Variants in SEMA6D observed in about 807,000 individuals in gnomAD.
SEMA6D encodes semaphorin 6D.
SEMA6D carries 35 observed loss-of-function variants against 106.6 expected under a neutral mutation model. The observed-to-expected ratio is 0.33, with a 90% confidence interval of 0.25 to 0.44. The LOEUF (loss-of-function observed/expected upper bound fraction) is 0.44. Ranked by LOEUF, SEMA6D falls within the 20% of genes least tolerant of loss-of-function variation. SEMA6D has a pLI of 1.00. For synonymous variants in SEMA6D, 499 were observed against 487.7 expected, an observed-to-expected ratio of 1.02 and a Z score of -0.31; for missense variants, 1,185 against 1,345.9, an observed-to-expected ratio of 0.88 and a Z score of 1.87.
chr15:47,450,224 G>A (rs1212212110), intron 2 of SEMA6D, among the ~76,000 whole-genome samples: 6 of 152,130 alleles, frequency 3.9e-5, no homozygotes, highest in South Asian at 2.1e-4. Flanking sequence ...TTTCATTCCC[G>A]TTCTCCCTTT....
chr15:47,311,601 TA>T (rs2143046066), intron 1 of SEMA6D, among the ~76,000 whole-genome samples: 1 of 152,334 alleles, frequency 6.6e-6, no homozygotes, highest in South Asian at 2.1e-4. Context: ...TTTCACAAAT[TA>T]AAAGTTATCT....
In SEMA6D at chr15:47,766,668, G is replaced by T. The variant is rs2082358794; in HGVS notation, c.1699G>T (p.Asp567Tyr). 2.5e-6 allele frequency: 4 copies of T among 1,606,956 alleles called. No individual in the cohort carries two copies. The highest frequency in any genetic ancestry group is 1.1e-5 in the South Asian group (1 of 90,862). Residue 567 changes from aspartate (D) to tyrosine (Y), a missense_variant, in exon 16 of 19, where the codon GAC (aspartate) becomes TAC (tyrosine). Physicochemically the swap from Asp to Tyr is radical, Grantham distance 160. This residue lies in a region of SEMA6D where 750 missense variants were observed against 783.5 expected (regional missense o/e 0.96). Coordinates refer to ENST00000536845, the MANE Select transcript of SEMA6D (RefSeq NM_001358351.3). ...TEFGNTAHLG[D>Y]CHEILPTSTT... ...ATTCGGCAACACAGCTCATCTAGGGGACTGCCATGGTAAGACAGAATCTTC... is the reference window on the plus strand; with the variant it reads ...ATTCGGCAACACAGCTCATCTAGGGTACTGCCATGGTAAGACAGAATCTTC...
At position 47,771,174 on chromosome 15, in the gene SEMA6D, C is replaced by G. The variant is rs760822579; in HGVS notation, c.2611C>G (p.Arg871Gly). Residue 871 changes from arginine to glycine, a missense_variant, in exon 19 of 19, where the codon CGT (arginine) becomes GGT (glycine). Physicochemically the swap from Arg to Gly is moderately radical, Grantham distance 125 (BLOSUM62 -2). Around this residue, in one of 3 missense-constraint regions of SEMA6D, gnomAD observed 750 missense variants for 783.5 expected, o/e 0.96. Coordinates refer to ENST00000536845, the MANE Select transcript of SEMA6D (RefSeq NM_001358351.3). ...GTCATCCAGTAAGAGAGATCACCGGCGTTCTGTTGATTCCAGAAATACCCT... is the reference window on the plus strand; with the variant it reads ...GTCATCCAGTAAGAGAGATCACCGGGGTTCTGTTGATTCCAGAAATACCCT... ...TKSSSKRDHRRSVDSRNTLND... is the reference protein window; with the variant it reads ...TKSSSKRDHRGSVDSRNTLND... 1 of 1,613,950 alleles carries G rather than the reference C, an allele frequency of 6.2e-7. No homozygotes were observed. Among genetic ancestry groups the G allele is most frequent in the African/African-American group, 1.3e-5 (1 of 74,916 alleles).
intron 1 of SEMA6D, among the ~76,000 whole-genome samples, chr15:47,403,471 AT>A (rs1350627681): frequency 6.6e-6 from 1 of 152,198 alleles, no homozygotes; most frequent in East Asian, 1.9e-4. Flanking sequence ...CATCTACTTT[AT>A]GGGGAGAAAC....
At chr15:47,730,442 A>C in intron 1 of SEMA6D, 4 of 1,407,576 alleles carry the variant, frequency 2.8e-6, no homozygotes, top group Non-Finnish European at 4.0e-6. Context: ...CAAGAAGACA[A>C]CCAGCTCGAT....
At chr15:47,671,887 G>C (rs760579079) in intron 4 of SEMA6D, among the ~76,000 whole-genome samples, 3 of 152,190 alleles carry the variant, frequency 2.0e-5, no homozygotes. Flanking sequence ...CTTTGTGGAT[G>C]TGTGTGGGTG....
intron 2 of SEMA6D, among the ~76,000 whole-genome samples, chr15:47,424,400 T>C (rs191784348): frequency 1.1e-3 from 164 of 152,184 alleles, no homozygotes; most frequent in African/African-American, 3.7e-3. Context: ...GTGCTTTCAA[T>C]TGCTTCTATA....
chr15:47,191,937 AG>A (rs1893992259), intron 1 of SEMA6D, among the ~76,000 whole-genome samples: 1 of 152,202 alleles, frequency 6.6e-6, no homozygotes, highest in South Asian at 2.1e-4. Flanking sequence ...CATTAGACCA[AG>A]GTTATCATAG....
intron 3 of SEMA6D, among the ~76,000 whole-genome samples, chr15:47,580,755 G>A (rs2076241836): frequency 6.6e-6 from 1 of 152,214 alleles, no homozygotes; most frequent in Non-Finnish European, 1.5e-5. Context: ...ATTCAAGTGA[G>A]TGGAGCAAAC....
At chr15:47,747,079 A>G in intron 1 of SEMA6D, among the ~76,000 whole-genome samples, 1 of 151,682 alleles carries the variant, frequency 6.6e-6, no homozygotes, top group African/African-American at 2.4e-5. Flanking sequence ...AGAGGCTGAT[A>G]TATTTTGTCA....
chr15:47,422,267 T>C (rs2041196083), intron 2 of SEMA6D, among the ~76,000 whole-genome samples: 1 of 150,556 alleles, frequency 6.6e-6, no homozygotes, highest in African/African-American at 2.4e-5. Context: ...TTGGAGTCTT[T>C]AGTCAGGTAT....
chr15:47,214,022 G>T (rs1161833438), intron 1 of SEMA6D, among the ~76,000 whole-genome samples: 1 of 152,072 alleles, frequency 6.6e-6, no homozygotes, highest in East Asian at 1.9e-4. Context: ...GCAGACCTGG[G>T]CTCATTTATG....
intron 1 of SEMA6D, among the ~76,000 whole-genome samples, chr15:47,198,529 A>T (rs1000487616): frequency 1.3e-5 from 2 of 152,124 alleles, no homozygotes; most frequent in Non-Finnish European, 2.9e-5. Flanking sequence ...AAGGAAGTGG[A>T]TTAGGTGAAA....
At chr15:47,590,201 T>TA (rs2143013250) in intron 3 of SEMA6D, among the ~76,000 whole-genome samples, 1 of 152,090 alleles carries the variant, frequency 6.6e-6, no homozygotes, top group Non-Finnish European at 1.5e-5. Context: ...TATGCAGCCA[T>TA]AAAAAAGAAT....
chr15:47,285,661 A>G (rs2035330393), intron 1 of SEMA6D, among the ~76,000 whole-genome samples: 1 of 152,202 alleles, frequency 6.6e-6, no homozygotes, highest in South Asian at 2.1e-4. Context: ...AGGGTAGACA[A>G]CGAGAAGAAC....
chr15:47,426,167 GTTTT>G (rs1197365028), intron 2 of SEMA6D, among the ~76,000 whole-genome samples: 1 of 151,914 alleles, frequency 6.6e-6, no homozygotes, highest in Non-Finnish European at 1.5e-5. Flanking sequence ...TAGTGCAAGA[GTTTT>G]TTTAATTTAT....
chr15:47,394,047 C>T (rs779226592), intron 1 of SEMA6D, among the ~76,000 whole-genome samples: 2 of 152,154 alleles, frequency 1.3e-5, no homozygotes, highest in Non-Finnish European at 2.9e-5. Context: ...CTTATACCTA[C>T]TCTCTTAATC....
intron 3 of SEMA6D, among the ~76,000 whole-genome samples, chr15:47,587,574 G>A (rs1409517487): frequency 2.0e-5 from 3 of 152,160 alleles, no homozygotes; most frequent in Non-Finnish European, 4.4e-5. Context: ...TCCGAAGCCA[G>A]GGCTGGCACA....
intron 1 of SEMA6D, among the ~76,000 whole-genome samples, chr15:47,360,869 T>G (rs947683362): frequency 6.6e-6 from 1 of 152,252 alleles, no homozygotes; most frequent in African/African-American, 2.4e-5. Flanking sequence ...CTGGGAAATT[T>G]TGTCAGAGGG....
Sources: gnomAD v4.1 joint callset for allele counts (sites outside exome capture counted in the v4.1 genomes callset) on GRCh38, gnomAD v4.1.1 for gene constraint, gnomAD v4.1.1 regional missense constraint, MANE v1.5 for transcripts, NCBI Gene and HGNC (gene_info 2026-07-23, HGNC 2026-07-21) for gene names.